Variants in AFF3 observed in about 807,000 individuals in gnomAD.
The protein encoded by AFF3 is AF4/FMR2 family member 3.
A neutral mutation model predicts 129.7 loss-of-function variants in AFF3; 32 were observed. The observed-to-expected ratio is 0.25, with a 90% CI of 0.19 to 0.33. The LOEUF is 0.33. Among genes scored for constraint, AFF3 ranks in the 10% least tolerant of loss-of-function variants. AFF3 has a pLI of 1.00. For synonymous variants in AFF3, 644 were observed against 635.4 expected, an observed-to-expected ratio of 1.01 and a Z score of -0.20; for missense variants, 1,373 against 1,592.0, an observed-to-expected ratio of 0.86 and a Z score of 2.34.
chr2:99,599,910 G>C (rs1679656439), intron 14 of AFF3, among the ~76,000 whole-genome samples: 1 of 152,100 alleles, frequency 6.6e-6, no homozygotes, highest in Admixed American at 6.6e-5. Context: ...TATGAAGATA[G>C]GGACATTTTT....
chr2:99,667,808 A>G (rs1156638991), intron 12 of AFF3, among the ~76,000 whole-genome samples: 1 of 152,164 alleles, frequency 6.6e-6, no homozygotes, highest in African/African-American at 2.4e-5. Context: ...TATGAAACAG[A>G]TAATCTAATA....
chr2:100,074,628 C>T (rs753635727), intron 4 of AFF3, among the ~76,000 whole-genome samples: 5 of 152,134 alleles, frequency 3.3e-5, no homozygotes, highest in Non-Finnish European at 7.4e-5. Flanking sequence ...TTAACAAGGG[C>T]TTTTATCTCA....
At chr2:99,946,490 A>C (rs1398147001) in intron 7 of AFF3, among the ~76,000 whole-genome samples, 3 of 105,980 alleles carry the variant, frequency 2.8e-5, no homozygotes, top group Non-Finnish European at 6.6e-5. Flanking sequence ...AAAAAAAAAA[A>C]AAAAAAAAAA....
In AFF3 at chr2:99,821,579, T is replaced by A. The variant is rs181849289; in HGVS notation, c.921+15898A>T. Among the ~76,000 whole-genome samples, 3 of 152,358 alleles carry A rather than the reference T, an allele frequency of 2.0e-5. No individual in the cohort carries two copies. In the East Asian group the frequency reaches 5.8e-4, roughly 29 times the overall value. ...GGCCGCATTCAAAGCCGTCCTGGGC[T>A]GCATGCAGCCCGCAGATTGGACCAG... On this transcript the variant is annotated intron_variant, in intron 8 of 24. Transcript: ENST00000672756.
intron 11 of AFF3, among the ~76,000 whole-genome samples, chr2:99,702,345 TTCTTTTCTTTTTTGAGACAGAGTCTCAC>T (rs1482253584): frequency 1.3e-5 from 2 of 152,144 alleles, no homozygotes; most frequent in African/African-American, 2.4e-5. Flanking sequence ...AATATGCATT[TTCTTTTCTTTTTTGAGACAGAGTCTCAC>T]TCTGTCACTC....
chr2:99,712,043 C>T (rs1441726750), intron 11 of AFF3, among the ~76,000 whole-genome samples: 1 of 152,158 alleles, frequency 6.6e-6, no homozygotes, highest in Non-Finnish European at 1.5e-5. Flanking sequence ...AGAGACTGTT[C>T]CCCACCTTAA....
chr2:100,132,749 A>G (rs1316511939), intron 1 of AFF3, among the ~76,000 whole-genome samples: 1 of 152,164 alleles, frequency 6.6e-6, no homozygotes, highest in Non-Finnish European at 1.5e-5. Context: ...GTACTCAAAA[A>G]AATGTTAAAT....
intron 7 of AFF3, among the ~76,000 whole-genome samples, chr2:99,987,070 C>T (rs1377300380): frequency 6.6e-6 from 1 of 152,202 alleles, no homozygotes; most frequent in African/African-American, 2.4e-5. Context: ...CTGCACTTCT[C>T]AATTGGTGAC....
intron 7 of AFF3, among the ~76,000 whole-genome samples, chr2:99,940,966 G>A (rs753081593): frequency 1.1e-4 from 16 of 152,068 alleles, no homozygotes; most frequent in Non-Finnish European, 1.9e-4. Context: ...ACCCGCTCCC[G>A]GCTCCCACCT....
chr2:99,560,489 A>C, intron 20 of AFF3, 53 bp from the exon 21 acceptor site: 1 of 1,534,058 alleles, frequency 6.5e-7, no homozygotes, highest in South Asian at 1.1e-5. Context: ...AAGCAAAGAA[A>C]TAGTAAAACT....
At chr2:99,828,606 C>A (rs1185875046) in intron 8 of AFF3, among the ~76,000 whole-genome samples, 1 of 152,236 alleles carries the variant, frequency 6.6e-6, no homozygotes, top group African/African-American at 2.4e-5. Context: ...ACGATCCCAG[C>A]CACAGGCTGA....
intron 13 of AFF3, among the ~76,000 whole-genome samples, chr2:99,633,909 CTTTTTTTTTTT>C (rs139661861): frequency 8.6e-6 from 1 of 116,422 alleles, no homozygotes; most frequent in Non-Finnish European, 1.7e-5. Flanking sequence ...TTCTTCCTTC[CTTTTTTTTTTT>C]TTTTTTTTTT....
Position 99,824,508 on chromosome 2 carries a change from CA to C in AFF3, c.921+12968del, listed in dbSNP as rs567482633. Among the ~76,000 whole-genome samples the C allele has an allele frequency of 3.1e-3, 468 of 152,208 alleles. 2 individuals carry two copies. The highest frequency in any genetic ancestry group is 0.011 in the African/African-American group (446 of 41,534). On this transcript the variant is annotated intron_variant, in intron 8 of 24. Transcript: ENST00000672756. ...GGCACTAAAATAAAAACTTACTAAC[CA>C]AAAACTGCAATAATAAAGAATGAAC...
At chr2:99,989,857 G>A (rs1680180025) in intron 7 of AFF3, among the ~76,000 whole-genome samples, 1 of 152,178 alleles carries the variant, frequency 6.6e-6, no homozygotes, top group African/African-American at 2.4e-5. Context: ...TTGAAAGTAA[G>A]ATCATTATCA....
At chr2:100,064,095 AAAAAGAAAAG>A (rs5832894) in intron 4 of AFF3, among the ~76,000 whole-genome samples, 9,289 of 146,922 alleles carry the variant, frequency 0.063, 793 homozygotes, top group African/African-American at 0.2. Context: ...GTCTCAAAAA[AAAAAGAAAAG>A]AAAAGAAAAG....
intron 8 of AFF3, among the ~76,000 whole-genome samples, chr2:99,830,107 C>A (rs1688406368): frequency 6.6e-6 from 1 of 152,076 alleles, no homozygotes; most frequent in South Asian, 2.1e-4. Flanking sequence ...GAACATCACA[C>A]ACCAGGGCCT....
chr2:99,672,721 T>G, intron 11 of AFF3, 132 bp from the exon 12 acceptor site: 2 of 859,868 alleles, frequency 2.3e-6, no homozygotes, highest in Non-Finnish European at 3.6e-6. Flanking sequence ...GATTTCCTAT[T>G]TTTTTTCTTT....
chr2:99,671,600 T>G (rs972888643), intron 12 of AFF3, among the ~76,000 whole-genome samples: 1 of 152,212 alleles, frequency 6.6e-6, no homozygotes, highest in African/African-American at 2.4e-5. Flanking sequence ...GCAAATCATC[T>G]GCATAGCATT....
At chr2:99,983,117 T>C (rs922877443) in intron 7 of AFF3, among the ~76,000 whole-genome samples, 10 of 152,218 alleles carry the variant, frequency 6.6e-5, no homozygotes, top group African/African-American at 1.9e-4. Flanking sequence ...CGTAAGAGAT[T>C]AGAAATGTAT....
Sources: allele counts gnomAD v4.1 joint callset (sites outside exome capture counted in the v4.1 genomes callset), GRCh38; gene constraint gnomAD v4.1.1; transcripts MANE v1.5; gene names NCBI Gene and HGNC (gene_info 2026-07-23, HGNC 2026-07-21).